The following RUNX1T1 variants were observed in gnomAD, a reference collection of about 807,000 sequenced individuals.
The protein encoded by RUNX1T1 is RUNX1 partner transcriptional co-repressor 1, also known as protein CBFA2T1.
A neutral mutation model predicts 62.8 loss-of-function variants in RUNX1T1; 4 were observed. The observed-to-expected ratio is 0.06, with a 90% CI of 0.03 to 0.15. RUNX1T1 has a LOEUF of 0.15. RUNX1T1 is among the 10% of genes least tolerant of loss of function. The pLI is 1.00. For synonymous variants in RUNX1T1, 291 were observed against 286.0 expected (o/e 1.02, Z -0.18); for missense variants, 508 against 754.3 (o/e 0.67, Z 3.82).
At chr8:92,024,628 G>C (rs1182649743) in intron 1 of RUNX1T1, among the ~76,000 whole-genome samples, 2 of 150,032 alleles carry the variant, frequency 1.3e-5, no homozygotes, top group Non-Finnish European at 3.0e-5. Context: ...TACTTTATCT[G>C]ACATCTCTGT....
chr8:91,962,431 TTGAA>T (rs1367666599), intron 10 of RUNX1T1, among the ~76,000 whole-genome samples: 4 of 152,206 alleles, frequency 2.6e-5, no homozygotes, highest in African/African-American at 4.8e-5. Context: ...AAGTTAAAAT[TTGAA>T]TGAATAGTAG....
At position 92,007,428 on chromosome 8, in the gene RUNX1T1, C is replaced by T. The variant is rs753625631; in HGVS notation, c.478-2131G>A. Reference sequence around the variant, plus strand: ...GTTGCAGTGAGCCGAGATTATACCACCACACTTGCCTGGGCAACAGAGCGA... The same window carrying T: ...GTTGCAGTGAGCCGAGATTATACCATCACACTTGCCTGGGCAACAGAGCGA... On this transcript the variant is annotated intron_variant, in intron 4 of 10. Transcript: ENST00000396218. Among the ~76,000 whole-genome samples the T allele has an allele frequency of 4.7e-4, 71 of 151,998 alleles. 1 individual carries two copies. In the Middle Eastern group the frequency reaches 0.027, roughly 59 times the overall value.
At chr8:92,031,476 GTGTT>G (rs933489810) in intron 1 of RUNX1T1, among the ~76,000 whole-genome samples, 12 of 142,334 alleles carry the variant, frequency 8.4e-5, no homozygotes, top group African/African-American at 3.0e-4. Context: ...GTAAGCATGT[GTGTT>G]TGTTTATTTG....
At chr8:92,070,557 A>G (rs538424797) in intron 2 of RUNX1T1, among the ~76,000 whole-genome samples, 13 of 152,282 alleles carry the variant, frequency 8.5e-5, no homozygotes, top group African/African-American at 3.1e-4. Context: ...TATTTAAATT[A>G]TTATATATGT....
chr8:91,991,516 A>C (rs1421945180), intron 6 of RUNX1T1, 123 bp downstream of exon 7: 28 of 1,084,672 alleles, frequency 2.6e-5, no homozygotes, highest in Non-Finnish European at 3.8e-5. Context: ...AGACAATATA[A>C]AGCAAGATAT....
chr8:92,000,727 C>G, intron 5 of RUNX1T1, among the ~76,000 whole-genome samples: 1 of 152,166 alleles, frequency 6.6e-6, no homozygotes, highest in East Asian at 1.9e-4. Context: ...CATTTTCTAA[C>G]TGACTCATTA....
At chr8:92,029,611 C>T (rs566664200) in intron 1 of RUNX1T1, among the ~76,000 whole-genome samples, 1 of 152,220 alleles carries the variant, frequency 6.6e-6, no homozygotes, top group African/African-American at 2.4e-5. Context: ...TAAAATATCC[C>T]AAGTAGCTTC....
At chr8:91,998,897 C>A (rs75509317) in intron 5 of RUNX1T1, among the ~76,000 whole-genome samples, 31,713 of 151,734 alleles carry the variant, frequency 0.21, 4,080 homozygotes, top group Non-Finnish European at 0.3. Context: ...TTTAACTAAA[C>A]AAAAAAATAA....
At chr8:92,065,004 T>C (rs959491031), upstream of RUNX1T1, among the ~76,000 whole-genome samples, 7 of 152,276 alleles carry the variant, frequency 4.6e-5, no homozygotes, top group African/African-American at 1.7e-4. Context: ...GCTGAATGTG[T>C]GTGCATCTGA....
rs1314199770 is a variant in RUNX1T1, at chr8:92,060,860, T to TCA, written c.7+1684_7+1685dup. Among the ~76,000 whole-genome samples the TCA allele has an allele frequency of 2.0e-5, 3 of 151,926 alleles. No homozygotes were observed. In the East Asian group the frequency reaches 5.8e-4, roughly 29 times the overall value. Reference sequence around the variant, plus strand: ...CAAGTATCGCCATTCTGGCACATGCTCATAGTCACAGCTGTTAATATATTC... The same window carrying TCA: ...CAAGTATCGCCATTCTGGCACATGCTCACATAGTCACAGCTGTTAATATATTC... On this transcript the variant is annotated intron_variant, in intron 1 of 10. Coordinates refer to ENST00000396218, the Ensembl canonical transcript of RUNX1T1.
intron 10 of RUNX1T1, among the ~76,000 whole-genome samples, chr8:91,963,994 T>C (rs1811073620): frequency 1.3e-5 from 2 of 152,142 alleles, no homozygotes; most frequent in Admixed American, 6.5e-5. Flanking sequence ...CTTTTTGGCA[T>C]AAAGAATATT....
chr8:92,005,446 A>G (rs769065597), intron 4 of RUNX1T1, 149 bp from the exon 6 acceptor site: 5 of 655,982 alleles, frequency 7.6e-6, no homozygotes, highest in Non-Finnish European at 1.3e-5. Context: ...CACAGGCACA[A>G]TTCTCAGCAC....
intron 1 of RUNX1T1, among the ~76,000 whole-genome samples, chr8:92,093,396 A>G (rs1445365831): frequency 1.3e-5 from 2 of 152,122 alleles, no homozygotes; most frequent in Non-Finnish European, 2.9e-5. Flanking sequence ...TTTAAAGACT[A>G]TGCAAAATGT....
chr8:91,974,103 A>G (rs1224443655), intron 9 of RUNX1T1, among the ~76,000 whole-genome samples: 2 of 152,096 alleles, frequency 1.3e-5, no homozygotes, highest in Non-Finnish European at 2.9e-5. Context: ...AACCTAAATT[A>G]CACCCAGAAT....
chr8:92,020,756 C>G (rs1823924440), intron 1 of RUNX1T1, among the ~76,000 whole-genome samples: 1 of 150,954 alleles, frequency 6.6e-6, no homozygotes, highest in East Asian at 1.9e-4. Context: ...TATATTAATA[C>G]ATTACCTATA....
chr8:91,982,316 C>T (rs1465089930), intron 8 of RUNX1T1, among the ~76,000 whole-genome samples: 1 of 149,004 alleles, frequency 6.7e-6, no homozygotes, highest in Non-Finnish European at 1.5e-5. Flanking sequence ...AGATACAAGA[C>T]AAACTACAGA....
At chr8:91,961,067 T>C (rs1463707631) in intron 10 of RUNX1T1, among the ~76,000 whole-genome samples, 1 of 152,234 alleles carries the variant, frequency 6.6e-6, no homozygotes, top group African/African-American at 2.4e-5. Context: ...TTAACCTCTC[T>C]ATGTCTTTAG....
intron 6 of RUNX1T1, among the ~76,000 whole-genome samples, chr8:91,990,449 A>G (rs1358938895): frequency 6.6e-6 from 1 of 152,198 alleles, no homozygotes; most frequent in African/African-American, 2.4e-5. Flanking sequence ...TATTGCTCTC[A>G]GTGAGACTCA....
intron 1 of RUNX1T1, among the ~76,000 whole-genome samples, chr8:92,022,226 C>A (rs930692194): frequency 6.6e-6 from 1 of 151,788 alleles, no homozygotes. Flanking sequence ...TATTATTATC[C>A]GTTCAAAGAT....
Sources: allele counts gnomAD v4.1 joint callset (sites outside exome capture counted in the v4.1 genomes callset), GRCh38; gene constraint gnomAD v4.1.1; transcripts MANE v1.5; gene names NCBI Gene and HGNC (gene_info 2026-07-23, HGNC 2026-07-21).